The following CLEC17A variants were observed in gnomAD, a reference collection of about 807,000 sequenced individuals.
CLEC17A encodes C-type lectin domain containing 17A, also known as C-type lectin domain family 17, member A.
Under a neutral mutation model 61.3 loss-of-function variants are expected in CLEC17A, and 37 were observed. That is an observed-to-expected ratio of 0.60 (90% CI 0.46 to 0.79). The LOEUF (loss-of-function observed/expected upper bound fraction) is 0.79. Ranked by LOEUF, CLEC17A falls within the 30% of genes least tolerant of loss-of-function variation. CLEC17A has a pLI of 0.00. For synonymous variants in CLEC17A, 168 were observed against 164.9 expected (o/e 1.02, Z -0.14); for missense variants, 418 against 464.7 (o/e 0.90, Z 0.92).
chr19:14,583,839 C>T (rs1200547947), intron 2 of CLEC17A, among the ~76,000 whole-genome samples: 2 of 152,044 alleles, frequency 1.3e-5, no homozygotes, highest in Non-Finnish European at 2.9e-5. Flanking sequence ...TCCCAGTCTC[C>T]TCACCTTTCT....
At chr19:14,594,128 TAA>T (rs1409804319) in intron 4 of CLEC17A, among the ~76,000 whole-genome samples, 1 of 151,262 alleles carries the variant, frequency 6.6e-6, no homozygotes. Flanking sequence ...ACTAAAAATA[TAA>T]AAGTTAGCTG....
In CLEC17A at chr19:14,583,087, C is replaced by T. The variant is rs994503708; in HGVS notation, c.-74C>T. 60 of 1,541,254 alleles carry T rather than the reference C, an allele frequency of 3.9e-5. No homozygotes were observed. In the Admixed American group the frequency reaches 6.1e-4, roughly 16 times the overall value. The stretch of plus-strand genomic sequence containing the variant: ...AAAGGGAACTGAGAGAGCCCCCAGA[C>T]GCCTGAGTCGGAGAGACAGGGGGCA... On this transcript the variant is annotated 5_prime_UTR_variant, in exon 1 of 14. The change creates a new upstream start codon in the 5' untranslated region. Transcript: ENST00000417570.
At position 14,594,555 on chromosome 19, in the gene CLEC17A, T is replaced by A. The variant is rs770888771; in HGVS notation, c.310+6T>A. The A allele has an allele frequency of 6.2e-7, 1 of 1,609,320 alleles. No individual in the cohort carries two copies. Among genetic ancestry groups the A allele is most frequent in the Non-Finnish European group, 8.5e-7 (1 of 1,178,296 alleles). Reference sequence around the variant, plus strand: ...ACCAAGACCTCCAAGGGCAGGTGAGTTGGGGCTGGGGGTGTAGGAGACCCA... The same window carrying A: ...ACCAAGACCTCCAAGGGCAGGTGAGATGGGGCTGGGGGTGTAGGAGACCCA... On this transcript the variant is annotated splice_donor_region_variant and intron_variant, in intron 5 of 13. Transcript: ENST00000417570.
chr19:14,597,922 G>A (rs1250998749), intron 10 of CLEC17A, among the ~76,000 whole-genome samples: 1 of 152,178 alleles, frequency 6.6e-6, no homozygotes, highest in East Asian at 1.9e-4. Context: ...TGAAGGGCCA[G>A]CTACTGAGCT....
At chr19:14,593,029 A>G (rs1816082044) in intron 4 of CLEC17A, among the ~76,000 whole-genome samples, 1 of 152,130 alleles carries the variant, frequency 6.6e-6, no homozygotes. Flanking sequence ...TCCCCGAGTC[A>G]TAAAAGCTGG....
chr19:14,584,463 T>A (rs904185069), intron 2 of CLEC17A: 1 of 152,170 alleles, frequency 6.6e-6, no homozygotes, highest in South Asian at 2.1e-4. Flanking sequence ...CCAGGGACCC[T>A]GAGGCCATGA....
chr19:14,604,512 C>T (rs1040135929), intron 12 of CLEC17A, among the ~76,000 whole-genome samples: 2 of 152,136 alleles, frequency 1.3e-5, no homozygotes, highest in African/African-American at 4.8e-5. Context: ...ACTGTAATCC[C>T]AGCACTTTGC....
upstream of CLEC17A, chr19:14,583,071 T>C (rs556167176): frequency 1.4e-6 from 2 of 1,438,388 alleles, no homozygotes; most frequent in African/African-American, 1.4e-5. Context: ...AAAAGGGAAC[T>C]GAGAGAGCCC....
chr19:14,594,899 A>T, intron 7 of CLEC17A, 99 bp downstream of exon 7: 9 of 1,184,834 alleles, frequency 7.6e-6, no homozygotes, highest in Non-Finnish European at 9.7e-6. Flanking sequence ...TTTGAGACAG[A>T]GTCTCACTGT....
At chr19:14,586,891 C>CT (rs1056065617) in intron 2 of CLEC17A, among the ~76,000 whole-genome samples, 2,144 of 121,656 alleles carry the variant, frequency 0.018, 36 homozygotes, top group African/African-American at 0.064. Context: ...TTCTTTCTTT[C>CT]TTTTTTTTTT....
At chr19:14,587,195 T>C (rs150264746) in intron 2 of CLEC17A, among the ~76,000 whole-genome samples, 89 of 151,878 alleles carry the variant, frequency 5.9e-4, no homozygotes, top group Admixed American at 9.8e-4. Context: ...CCCCGGCCCA[T>C]TGTTTCTTCT....
At chr19:14,582,210 A>G (rs1232373678), upstream of CLEC17A, among the ~76,000 whole-genome samples, 1 of 146,026 alleles carries the variant, frequency 6.8e-6, no homozygotes, top group East Asian at 1.9e-4. Context: ...GACCCTTGTA[A>G]TGCCATTTTT....
chr19:14,600,835 C>T lies in CLEC17A; in HGVS notation c.894+653C>T, dbSNP rs528427023. On this transcript the variant is annotated intron_variant, in intron 12 of 13. Coordinates refer to ENST00000417570, the MANE Select transcript of CLEC17A (RefSeq NM_001204118.2). The stretch of plus-strand genomic sequence containing the variant: ...TGATCTCCTGACCTCGTGATCTGCC[C>T]GCCTCGGCCTCCCAAAGTGCTGGGA... 7.3e-5 allele frequency among the ~76,000 whole-genome samples: 11 copies of T among 150,710 alleles called. No homozygotes were observed. The East Asian group carries it at 9.7e-4, about 13-fold the overall frequency.
At chr19:14,608,758 T>C (rs1422042283) in intron 13 of CLEC17A, among the ~76,000 whole-genome samples, 1 of 150,856 alleles carries the variant, frequency 6.6e-6, no homozygotes, top group African/African-American at 2.4e-5. Context: ...CTCAGACTAT[T>C]GAGTAGCTGG....
intron 7 of CLEC17A, 87 bp from the exon 8 acceptor site, chr19:14,595,187 G>C: frequency 2.0e-6 from 3 of 1,495,026 alleles, no homozygotes; most frequent in Non-Finnish European, 2.8e-6. Context: ...CCTAAATTCT[G>C]ACCAGAGAAC....
In CLEC17A at chr19:14,610,098, G is replaced by C; in HGVS notation, c.1039G>C (p.Asp347His). The C allele has an allele frequency of 6.2e-7, 1 of 1,613,074 alleles. No individual in the cohort carries two copies. The highest frequency in any genetic ancestry group is 8.5e-7 in the Non-Finnish European group (1 of 1,179,560). Reference protein sequence around the residue: ...WEPEEPNNIHDEDCATMNKGG... With the variant: ...WEPEEPNNIHHEDCATMNKGG... ...GCCAGAGGAACCCAATAACATCCAC[G>C]ATGAGGACTGTGCTACCATGAACAA... The change falls in exon 14 of 14, where the codon GAT becomes CAT. Residue 347 changes from aspartate to histidine, a missense_variant. Physicochemically the swap from Asp to His is moderately conservative, Grantham distance 81. Coordinates refer to ENST00000417570, the MANE Select transcript of CLEC17A (RefSeq NM_001204118.2).
intron 8 of CLEC17A, among the ~76,000 whole-genome samples, chr19:14,596,499 T>C (rs1221018022): frequency 6.6e-6 from 1 of 152,036 alleles, no homozygotes; most frequent in African/African-American, 2.4e-5. Context: ...CTGGGCCTAG[T>C]GGCACACATC....
chr19:14,606,210 G>A (rs528784677), intron 12 of CLEC17A, among the ~76,000 whole-genome samples: 1 of 152,106 alleles, frequency 6.6e-6, no homozygotes, highest in South Asian at 2.1e-4. Flanking sequence ...TCACTTAAAT[G>A]TTATAATGCT....
At chr19:14,596,535 G>A (rs1334069338) in intron 8 of CLEC17A, among the ~76,000 whole-genome samples, 1 of 152,172 alleles carries the variant, frequency 6.6e-6, no homozygotes, top group Non-Finnish European at 1.5e-5. Flanking sequence ...TTGAAAGGGT[G>A]AGGTGGGAGG....
Sources: gnomAD v4.1 joint callset for allele counts (sites outside exome capture counted in the v4.1 genomes callset) on GRCh38, gnomAD v4.1.1 for gene constraint, MANE v1.5 for transcripts, NCBI Gene and HGNC (gene_info 2026-07-23, HGNC 2026-07-21) for gene names.